The following DGKI variants were observed in gnomAD, a reference collection of about 807,000 sequenced individuals.
DGKI encodes the protein diacylglycerol kinase iota.
In DGKI, 55 loss-of-function variants were observed where a neutral mutation model predicts 147.5. The ratio of observed to expected loss-of-function variants is 0.37; its 90% CI spans 0.30 to 0.47. The LOEUF is 0.47. DGKI is among the 20% of genes least tolerant of loss of function. DGKI has a pLI of 1.00. For missense variants in DGKI, 1,007 were observed against 1,323.8 expected (o/e 0.76, Z 3.71); for synonymous variants, 469 against 477.1 (o/e 0.98, Z 0.22).
At chr7:137,519,145 A>G (rs1332169646) in intron 21 of DGKI, among the ~76,000 whole-genome samples, 1 of 152,068 alleles carries the variant, frequency 6.6e-6, no homozygotes, top group African/African-American at 2.4e-5. Context: ...TTATTTTAGA[A>G]GGATTGCCCC....
chr7:137,700,725 A>T (rs1436626810), intron 1 of DGKI, among the ~76,000 whole-genome samples: 1 of 152,042 alleles, frequency 6.6e-6, no homozygotes, highest in Non-Finnish European at 1.5e-5. Context: ...TAAAAATACA[A>T]AAACTAGCCA....
chr7:137,818,016 A>T (rs569783404), intron 1 of DGKI, among the ~76,000 whole-genome samples: 13 of 152,204 alleles, frequency 8.5e-5, no homozygotes, highest in African/African-American at 1.2e-4. Context: ...CACACTATCA[A>T]TGACATTGTC....
chr7:137,703,326 C>T (rs1442477584), intron 1 of DGKI, among the ~76,000 whole-genome samples: 2 of 152,196 alleles, frequency 1.3e-5, no homozygotes, highest in African/African-American at 4.8e-5. Flanking sequence ...AATCACCTTC[C>T]ACCAGGCCCC....
intron 3 of DGKI, among the ~76,000 whole-genome samples, chr7:137,673,298 CCA>C (rs1822918222): frequency 6.6e-6 from 1 of 152,108 alleles, no homozygotes; most frequent in Non-Finnish European, 1.5e-5. Flanking sequence ...GAGAACCAGG[CCA>C]CGGTTTTTGG....
At chr7:137,407,743 A>G in intron 30 of DGKI, 132 bp downstream of exon 30, 1 of 1,164,788 alleles carries the variant, frequency 8.6e-7, no homozygotes, top group South Asian at 1.4e-5. Flanking sequence ...AAGCAGGGGC[A>G]GAGTCTGCTA....
At chr7:137,642,867 A>C (rs1821680004) in intron 6 of DGKI, among the ~76,000 whole-genome samples, 1 of 151,544 alleles carries the variant, frequency 6.6e-6, no homozygotes, top group Non-Finnish European at 1.5e-5. Flanking sequence ...GAAAAAAAAA[A>C]AAAAGTTTTG....
At chr7:137,409,142 G>C (rs1363531916) in intron 29 of DGKI, among the ~76,000 whole-genome samples, 1 of 152,178 alleles carries the variant, frequency 6.6e-6, no homozygotes, top group African/African-American at 2.4e-5. Flanking sequence ...ATAAATGTGT[G>C]AGGTGGTGGA....
At chr7:137,736,064 T>A (rs1795012556) in intron 1 of DGKI, among the ~76,000 whole-genome samples, 1 of 152,072 alleles carries the variant, frequency 6.6e-6, no homozygotes, top group Non-Finnish European at 1.5e-5. Context: ...AGAAAGCCAC[T>A]CAACATTGGT....
chr7:137,787,971 T>C (rs1198073750), intron 1 of DGKI, among the ~76,000 whole-genome samples: 1 of 151,988 alleles, frequency 6.6e-6, no homozygotes, highest in Non-Finnish European at 1.5e-5. Flanking sequence ...CACCAAAATC[T>C]CAGAAATCAC....
At chr7:137,612,472 C>T (rs1820397547) in intron 8 of DGKI, among the ~76,000 whole-genome samples, 1 of 151,960 alleles carries the variant, frequency 6.6e-6, no homozygotes, top group African/African-American at 2.4e-5. Context: ...TCCCATGGCT[C>T]CCTTCTATTT....
intron 1 of DGKI, among the ~76,000 whole-genome samples, chr7:137,706,274 T>C (rs923737607): frequency 6.6e-6 from 1 of 151,896 alleles, no homozygotes; most frequent in African/African-American, 2.4e-5. Context: ...TCTCCTCTTT[T>C]CTGTAACTTT....
intron 21 of DGKI, among the ~76,000 whole-genome samples, chr7:137,509,356 T>C (rs561964191): frequency 3.9e-5 from 6 of 151,938 alleles, no homozygotes; most frequent in African/African-American, 1.2e-4. Flanking sequence ...TGAGCAATGG[T>C]GAGGTCTGGA....
At chr7:137,708,555 C>T (rs1801576309) in intron 1 of DGKI, among the ~76,000 whole-genome samples, 2 of 152,110 alleles carry the variant, frequency 1.3e-5, no homozygotes, top group Non-Finnish European at 2.9e-5. Context: ...ATATATTTAG[C>T]AAAAAGAAAT....
At chr7:137,531,630 T>C (rs972918336) in intron 20 of DGKI, among the ~76,000 whole-genome samples, 6 of 152,226 alleles carry the variant, frequency 3.9e-5, no homozygotes, top group African/African-American at 1.4e-4. Flanking sequence ...TTTCAGTTTC[T>C]ATGTATCAGA....
chr7:137,424,844 C>A (rs1052789932), intron 28 of DGKI, among the ~76,000 whole-genome samples: 1 of 152,222 alleles, frequency 6.6e-6, no homozygotes, highest in African/African-American at 2.4e-5. Context: ...GGAGGGGCAC[C>A]CGCCATTGCC....
intron 12 of DGKI, among the ~76,000 whole-genome samples, chr7:137,590,165 T>C (rs188290308): frequency 3.2e-4 from 48 of 152,336 alleles, no homozygotes; most frequent in Admixed American, 1.3e-3. Flanking sequence ...TTGGCTTGCC[T>C]GATAATGGAG....
rs1358842431 is a variant in DGKI, at chr7:137,466,044, G to C, written c.2485-9C>G. 1 of 1,613,172 alleles carries C rather than the reference G, an allele frequency of 6.2e-7. No individual in the cohort carries two copies. The highest frequency in any genetic ancestry group is 8.5e-7 in the Non-Finnish European group (1 of 1,179,500). On this transcript the variant is annotated splice_polypyrimidine_tract_variant and intron_variant, in intron 25 of 32. Coordinates refer to ENST00000614521, the MANE Select transcript of DGKI (RefSeq NM_001321708.2). ...ACAAAGTGCAAATGTTCCTAAAGAA[G>C]AACAAGAAGTCTGTTGCATGAAGAA...
chr7:137,656,377 CA>C lies in DGKI; in HGVS notation c.681+88del, dbSNP rs1379896283. On this transcript the variant is annotated intron_variant, in intron 4 of 32. Coordinates refer to ENST00000614521, the MANE Select transcript of DGKI (RefSeq NM_001321708.2). ...AGCTTTTTTTTAAGGGCATTGTTTT[CA>C]AAAAGTTGGAACTGGAAATTTACAC... is the stretch of plus-strand genomic sequence containing the variant. 1.1e-5 allele frequency: 16 copies of C among 1,396,698 alleles called. No individual in the cohort carries two copies. The African/African-American group carries it at 1.3e-4, about 11-fold the overall frequency. The allele number at this position is 1,396,698 out of a possible 1,614,324, so 86.5% of individuals were successfully genotyped here. A position where few individuals can be genotyped will look rare whatever the true frequency, so the allele number is the denominator to read the frequency against.
chr7:137,504,551 T>C (rs1461888745), intron 21 of DGKI, among the ~76,000 whole-genome samples: 1 of 152,188 alleles, frequency 6.6e-6, no homozygotes, highest in Non-Finnish European at 1.5e-5. Context: ...AGGAAAGGTA[T>C]TGAACAATAT....
Sources: allele counts gnomAD v4.1 joint callset (sites outside exome capture counted in the v4.1 genomes callset), GRCh38; gene constraint gnomAD v4.1.1; transcripts MANE v1.5; gene names NCBI Gene and HGNC (gene_info 2026-07-23, HGNC 2026-07-21).